The following TRAPPC9 variants were observed in gnomAD, a reference collection of about 807,000 sequenced individuals.
TRAPPC9 encodes trafficking protein particle complex subunit 9.
In TRAPPC9, 83 loss-of-function variants were observed where a neutral mutation model predicts 124.0. The ratio of observed to expected loss-of-function variants is 0.67; its 90% CI spans 0.56 to 0.80. TRAPPC9 has a LOEUF of 0.80. Ranked by LOEUF, TRAPPC9 falls within the 30% of genes least tolerant of loss-of-function variation. The pLI is 0.00. For synonymous variants in TRAPPC9, 638 were observed against 617.5 expected, an observed-to-expected ratio of 1.03 and a Z score of -0.49; for missense variants, 1,302 against 1,508.3, an observed-to-expected ratio of 0.86 and a Z score of 2.27.
chr8:139,912,361 G>T (rs1342223473), intron 19 of TRAPPC9, among the ~76,000 whole-genome samples: 1 of 152,134 alleles, frequency 6.6e-6, no homozygotes, highest in Admixed American at 6.5e-5. Flanking sequence ...CTATCTTAGG[G>T]TTGTATCATA....
intron 1 of TRAPPC9, among the ~76,000 whole-genome samples, chr8:140,454,794 C>T (rs2071594800): frequency 6.6e-6 from 1 of 151,766 alleles, no homozygotes; most frequent in East Asian, 1.9e-4. Context: ...CAAAAATTAG[C>T]CAGGCTTGGT....
chr8:140,045,530 G>A (rs1841528117), intron 17 of TRAPPC9, among the ~76,000 whole-genome samples: 1 of 150,392 alleles, frequency 6.6e-6, no homozygotes, highest in African/African-American at 2.5e-5. Flanking sequence ...GGGAAGGTGA[G>A]GCAGGAGAAT....
intron 21 of TRAPPC9, among the ~76,000 whole-genome samples, chr8:139,779,188 G>C (rs1213951411): frequency 1.3e-5 from 2 of 152,080 alleles, no homozygotes; most frequent in South Asian, 4.2e-4. Flanking sequence ...GAAGTGACAG[G>C]GGACAACATC....
At chr8:139,942,922 G>A (rs754791663) in intron 19 of TRAPPC9, among the ~76,000 whole-genome samples, 4 of 152,208 alleles carry the variant, frequency 2.6e-5, no homozygotes, top group African/African-American at 9.6e-5. Flanking sequence ...AGGGCCGAGA[G>A]CAGGAGTCCA....
In TRAPPC9 at chr8:139,758,742, G is replaced by A. The variant is rs562250692; in HGVS notation, c.3056-26540C>T. The stretch of plus-strand genomic sequence containing the variant: ...GGCTGAGGAAGCTTTCCTAGCTTCA[G>A]TGTGTGGAGGTAGTGGCAGAGAAAA... On this transcript the variant is annotated intron_variant, in intron 21 of 22. Coordinates refer to ENST00000438773, the MANE Select transcript of TRAPPC9 (RefSeq NM_001160372.4). Among the ~76,000 whole-genome samples the A allele has an allele frequency of 7.9e-5, 12 of 152,370 alleles. No individual in the cohort carries two copies. The East Asian group carries it at 1.9e-3, about 24-fold the overall frequency.
At chr8:140,090,170 G>A (rs1844469123) in intron 17 of TRAPPC9, among the ~76,000 whole-genome samples, 1 of 152,142 alleles carries the variant, frequency 6.6e-6, no homozygotes. Context: ...GTCTCCTCTG[G>A]CTATTATAAC....
At chr8:140,038,708 C>T (rs1841068694) in intron 17 of TRAPPC9, among the ~76,000 whole-genome samples, 1 of 152,204 alleles carries the variant, frequency 6.6e-6, no homozygotes, top group Non-Finnish European at 1.5e-5. Flanking sequence ...AGCAAAAACC[C>T]CACGAAGGGA....
chr8:139,820,574 T>C (rs1825186294), intron 21 of TRAPPC9, among the ~76,000 whole-genome samples: 1 of 152,248 alleles, frequency 6.6e-6, no homozygotes, highest in Non-Finnish European at 1.5e-5. Flanking sequence ...AACTGGATAA[T>C]ATGTTCTTAA....
At chr8:140,374,227 G>C (rs754973101) in intron 7 of TRAPPC9, among the ~76,000 whole-genome samples, 5 of 152,220 alleles carry the variant, frequency 3.3e-5, no homozygotes, top group Non-Finnish European at 5.9e-5. Context: ...AGAAGCCCCA[G>C]TGCTGGAGGA....
chr8:140,428,750 C>T (rs552417725), intron 4 of TRAPPC9, among the ~76,000 whole-genome samples: 3 of 152,298 alleles, frequency 2.0e-5, no homozygotes, highest in Admixed American at 1.3e-4. Context: ...AAATACAAAT[C>T]AAGTTCATCT....
chr8:139,738,313 G>T (rs1016301056), intron 21 of TRAPPC9, among the ~76,000 whole-genome samples: 10 of 152,226 alleles, frequency 6.6e-5, no homozygotes, highest in Admixed American at 1.3e-4. Flanking sequence ...GCAACAGAAG[G>T]GGTCATGTGG....
intron 17 of TRAPPC9, among the ~76,000 whole-genome samples, chr8:140,212,845 C>T (rs530895981): frequency 4.6e-5 from 7 of 151,880 alleles, no homozygotes; most frequent in African/African-American, 1.4e-4. Context: ...CTTTGGGAGG[C>T]CGAGGCAGGC....
At chr8:139,768,876 A>T (rs1401454284) in intron 21 of TRAPPC9, among the ~76,000 whole-genome samples, 1 of 152,212 alleles carries the variant, frequency 6.6e-6, no homozygotes, top group Non-Finnish European at 1.5e-5. Flanking sequence ...ACAAAGTAAA[A>T]TGAGGCCCAA....
chr8:139,804,346 G>A (rs1322022469), intron 21 of TRAPPC9, among the ~76,000 whole-genome samples: 15 of 27,280 alleles, frequency 5.5e-4, no homozygotes, highest in African/African-American at 7.8e-4. Context: ...CACCACCACC[G>A]CCACCAAGCA....
chr8:140,208,150 C>CA (rs200326778), intron 17 of TRAPPC9, among the ~76,000 whole-genome samples: 3,510 of 131,710 alleles, frequency 0.027, 116 homozygotes, highest in African/African-American at 0.083. Context: ...AACTCTGTCT[C>CA]AAAAAAAAAA....
At chr8:140,435,713 C>A (rs887410980) in intron 3 of TRAPPC9, among the ~76,000 whole-genome samples, 2 of 152,230 alleles carry the variant, frequency 1.3e-5, no homozygotes, top group African/African-American at 4.8e-5. Flanking sequence ...AGACCATGCA[C>A]CCCATAGGCA....
At chr8:139,859,173 C>T (rs11780795) in intron 21 of TRAPPC9, among the ~76,000 whole-genome samples, 297 of 151,842 alleles carry the variant, frequency 2.0e-3, no homozygotes, top group Middle Eastern at 3.4e-3. Flanking sequence ...GAGGAGTCAC[C>T]GCTGTGCACC....
intron 19 of TRAPPC9, among the ~76,000 whole-genome samples, chr8:139,970,003 G>A (rs78362682): frequency 1.3e-5 from 2 of 152,106 alleles, no homozygotes; most frequent in East Asian, 3.8e-4. Context: ...CTTTCAGTAC[G>A]CAAAAAATGT....
chr8:140,342,892 T>C (rs1184513842), intron 9 of TRAPPC9, among the ~76,000 whole-genome samples: 1 of 152,210 alleles, frequency 6.6e-6, no homozygotes, highest in Non-Finnish European at 1.5e-5. Flanking sequence ...ATGTGAAGTC[T>C]GCATACTTCA....
Sources: allele counts gnomAD v4.1 joint callset (sites outside exome capture counted in the v4.1 genomes callset), GRCh38; gene constraint gnomAD v4.1.1; transcripts MANE v1.5; gene names NCBI Gene and HGNC (gene_info 2026-07-23, HGNC 2026-07-21).